Variants in ERP44 observed in about 807,000 individuals in gnomAD.
ERP44 encodes endoplasmic reticulum resident protein 44.
A neutral mutation model predicts 53.4 loss-of-function variants in ERP44; 25 were observed. The ratio of observed to expected loss-of-function variants is 0.47; its 90% confidence interval spans 0.34 to 0.65. The LOEUF (loss-of-function observed/expected upper bound fraction) is 0.65. Among genes scored for constraint, ERP44 ranks in the 30% least tolerant of loss-of-function variants. The pLI, the probability that ERP44 is intolerant of heterozygous loss-of-function variation, is 0.01. For missense variants in ERP44, 338 were observed against 493.2 expected (o/e 0.69, Z 2.98); for synonymous variants, 145 against 161.2 (o/e 0.90, Z 0.76).
chr9:100,098,898 G>T lies in ERP44; in HGVS notation c.-58C>A. 2 of 1,501,758 alleles carry T rather than the reference G, an allele frequency of 1.3e-6. No individual in the cohort carries two copies. The allele number at this position is 1,501,758 out of a possible 1,614,324, so 93.0% of individuals were successfully genotyped here. A position where few individuals can be genotyped will look rare whatever the true frequency, so the allele number is the denominator to read the frequency against. On this transcript the variant is annotated 5_prime_UTR_variant, in exon 1 of 12. Coordinates refer to ENST00000262455, the MANE Select transcript of ERP44 (RefSeq NM_015051.3). Reference sequence around the variant, plus strand: ...CTGGCGGCTGGGACTGGGCTAGGTTGGGTTGGGTTAGGAAAGGGCTGGGCT... The same window carrying T: ...CTGGCGGCTGGGACTGGGCTAGGTTTGGTTGGGTTAGGAAAGGGCTGGGCT...
intron 10 of ERP44, among the ~76,000 whole-genome samples, chr9:99,987,429 T>C (rs1248833016): frequency 1.3e-5 from 2 of 152,262 alleles, no homozygotes. Flanking sequence ...AGTTACTTTT[T>C]TGTTTATTTA....
intron 8 of ERP44, among the ~76,000 whole-genome samples, chr9:100,010,357 T>G (rs1008314558): frequency 2.6e-4 from 39 of 152,234 alleles, no homozygotes; most frequent in Non-Finnish European, 1.2e-4. Flanking sequence ...ACATAATAAA[T>G]CTCAAGAATT....
chr9:100,086,519 T>C (rs576332922), intron 1 of ERP44, among the ~76,000 whole-genome samples: 35 of 152,344 alleles, frequency 2.3e-4, no homozygotes, highest in Admixed American at 2.3e-3. Context: ...CTTAACAACA[T>C]TTCCTTCTCT....
rs1018855097 is a variant in ERP44, at chr9:100,023,390, T to C, written c.287-1164A>G. The stretch of plus-strand genomic sequence containing the variant: ...ATCCTACTTACAATGATAAATAACC[T>C]GAGAAATCATAAAAAAAAAAAAAAT... On this transcript the variant is annotated intron_variant, in intron 4 of 11. Coordinates refer to ENST00000262455, the MANE Select transcript of ERP44 (RefSeq NM_015051.3). Among the ~76,000 whole-genome samples the C allele has an allele frequency of 7.5e-5, 11 of 146,664 alleles. 1 individual carries two copies. The highest frequency in any genetic ancestry group is 2.7e-4 in the African/African-American group (11 of 40,208).
intron 1 of ERP44, among the ~76,000 whole-genome samples, chr9:100,089,689 C>T (rs754905666): frequency 4.6e-5 from 7 of 150,812 alleles, no homozygotes; most frequent in African/African-American, 7.3e-5. Flanking sequence ...ATAAATCATA[C>T]GCTGAGGTGG....
Position 100,023,238 on chromosome 9 carries a change from G to A in ERP44, c.287-1012C>T, listed in dbSNP as rs148620317. Among the ~76,000 whole-genome samples, 269 of 152,046 alleles carry A rather than the reference G, an allele frequency of 1.8e-3. 1 individual carries two copies. The highest frequency in any genetic ancestry group is 6.2e-3 in the African/African-American group (258 of 41,502). On this transcript the variant is annotated intron_variant, in intron 4 of 11. Transcript: ENST00000262455. ...ATGATGGGTCCTATTACCTGAGCAA[G>A]GATTTAATGAGATTAAATTGGTACT...
intron 3 of ERP44, among the ~76,000 whole-genome samples, chr9:100,055,458 C>T (rs369831160): frequency 6.6e-6 from 1 of 152,204 alleles, no homozygotes; most frequent in Non-Finnish European, 1.5e-5. Flanking sequence ...CCGCAACCTC[C>T]GCCTGCTGGC....
At chr9:100,025,850 C>T (rs1318258886) in intron 4 of ERP44, among the ~76,000 whole-genome samples, 2 of 152,106 alleles carry the variant, frequency 1.3e-5, no homozygotes, top group South Asian at 2.1e-4. Context: ...TTATTGAGTT[C>T]ACAGAAAATC....
intron 11 of ERP44, among the ~76,000 whole-genome samples, chr9:99,984,736 C>T (rs1344961248): frequency 6.6e-6 from 1 of 152,152 alleles, no homozygotes; most frequent in Non-Finnish European, 1.5e-5. Flanking sequence ...ACAGAGGTCA[C>T]ATCAGAACAC....
chr9:100,041,689 C>T (rs1475295954), intron 4 of ERP44, among the ~76,000 whole-genome samples: 1 of 151,938 alleles, frequency 6.6e-6, no homozygotes, highest in African/African-American at 2.4e-5. Flanking sequence ...ACAACAACAA[C>T]AATAAACAAA....
intron 1 of ERP44, among the ~76,000 whole-genome samples, chr9:100,080,523 G>A (rs1052506829): frequency 2.6e-4 from 40 of 151,860 alleles, no homozygotes; most frequent in African/African-American, 8.5e-4. Context: ...TCCTGCAAGG[G>A]CCTACAATTC....
At chr9:100,055,304 T>C (rs1826076963) in intron 3 of ERP44, among the ~76,000 whole-genome samples, 1 of 152,186 alleles carries the variant, frequency 6.6e-6, no homozygotes, top group African/African-American at 2.4e-5. Flanking sequence ...AACTGGAATG[T>C]TTGTAACAAA....
At chr9:100,024,989 A>T (rs1166482086) in intron 4 of ERP44, among the ~76,000 whole-genome samples, 2 of 152,230 alleles carry the variant, frequency 1.3e-5, no homozygotes, top group African/African-American at 4.8e-5. Context: ...ATTGCCAGGT[A>T]CAGTGACACA....
intron 10 of ERP44, among the ~76,000 whole-genome samples, chr9:100,000,032 T>A (rs1252393154): frequency 6.6e-6 from 1 of 152,132 alleles, no homozygotes; most frequent in Non-Finnish European, 1.5e-5. Flanking sequence ...GGGTCTCTAG[T>A]TTGCTAGGAT....
chr9:100,058,977 A>T (rs958448571), intron 2 of ERP44, among the ~76,000 whole-genome samples: 1 of 152,240 alleles, frequency 6.6e-6, no homozygotes, highest in Non-Finnish European at 1.5e-5. Context: ...GAACTCACAG[A>T]AATGTAAATC....
intron 1 of ERP44, among the ~76,000 whole-genome samples, chr9:100,066,542 T>C (rs149893932): frequency 6.6e-6 from 1 of 152,200 alleles, no homozygotes; most frequent in Admixed American, 6.5e-5. Context: ...TGTTGGGAGA[T>C]TCTCAGAGCC....
intron 5 of ERP44, 80 bp downstream of exon 5, chr9:100,021,962 T>A: frequency 2.4e-6 from 3 of 1,272,928 alleles, no homozygotes; most frequent in Non-Finnish European, 3.4e-6. Context: ...TAGGAGAATG[T>A]CCAGATTTTT....
At chr9:100,034,753 G>A (rs1031806810) in intron 4 of ERP44, among the ~76,000 whole-genome samples, 2 of 152,070 alleles carry the variant, frequency 1.3e-5, no homozygotes, top group African/African-American at 2.4e-5. Flanking sequence ...CCAAAAAAGA[G>A]CCTCAATAGC....
intron 2 of ERP44, 131 bp downstream of exon 2, chr9:100,059,969 G>A (rs2118716836): frequency 2.7e-6 from 2 of 752,558 alleles, no homozygotes; most frequent in South Asian, 5.2e-5. Context: ...AGAAAGTCAT[G>A]GAATTAATCA....
Sources: allele counts gnomAD v4.1 joint callset (sites outside exome capture counted in the v4.1 genomes callset), GRCh38; gene constraint gnomAD v4.1.1; transcripts MANE v1.5; gene names NCBI Gene and HGNC (gene_info 2026-07-23, HGNC 2026-07-21).